CNST: variants seen among roughly 807,000 people sequenced by gnomAD.
CNST encodes consortin, connexin sorting protein.
A neutral mutation model predicts 72.4 loss-of-function variants in CNST; 39 were observed. That is an observed-to-expected ratio of 0.54 (90% CI 0.42 to 0.70). The LOEUF is 0.70. Among genes scored for constraint, CNST ranks in the 30% least tolerant of loss-of-function variants. The probability of loss-of-function intolerance (pLI) is 0.00; values close to 1 mark genes in which losing one functional copy is unlikely to be tolerated. For synonymous variants in CNST, 332 were observed against 320.1 expected (o/e 1.04, Z -0.40); for missense variants, 871 against 868.5 (o/e 1.00, Z -0.04).
In CNST at chr1:246,661,434, G is replaced by A. The variant is rs376682637; in HGVS notation, c.1972+1100G>A. On this transcript the variant is annotated intron_variant, in intron 10 of 10. Coordinates refer to ENST00000366513, the MANE Select transcript of CNST (RefSeq NM_152609.3). The stretch of plus-strand genomic sequence containing the variant: ...TGCCCGGCTTGTCTTCTTTTCAGTG[G>A]ACAATTAATACTCCTCCTTTATTGT... Among the ~76,000 whole-genome samples the A allele has an allele frequency of 3.9e-5, 6 of 152,272 alleles. No individual in the cohort carries two copies. In the East Asian group the frequency reaches 1.2e-3, roughly 29 times the overall value.
Position 246,647,907 on chromosome 1 carries a change from A to G in CNST, c.1706A>G (p.Gln569Arg). The change falls in exon 9 of 11, where the codon CAA (glutamine) becomes CGA (arginine). Residue 569 changes from glutamine (Q) to arginine (R), a missense_variant. Gln to Arg is a conservative substitution (Grantham distance 43, BLOSUM62 1). Coordinates refer to ENST00000366513, the MANE Select transcript of CNST (RefSeq NM_152609.3). The stretch of plus-strand genomic sequence containing the variant: ...GATTCCCTTTCCTATGAAGATAACC[A>G]AGACGACGACTCCGATCTCCTTCAA... ...TEDSLSYEDN[Q>R]DDDSDLLQDL... 1 of 1,613,932 alleles carries G rather than the reference A, an allele frequency of 6.2e-7. No homozygotes were observed. Among genetic ancestry groups the G allele is most frequent in the Non-Finnish European group, 8.5e-7 (1 of 1,180,004 alleles).
intron 9 of CNST, among the ~76,000 whole-genome samples, chr1:246,654,253 C>T (rs114554979): frequency 0.018 from 2,720 of 152,300 alleles, 89 homozygotes; most frequent in African/African-American, 0.063. Context: ...CATGTCGTCA[C>T]GTTTGCTCTT....
chr1:246,626,791 A>C (rs976803147), intron 3 of CNST, among the ~76,000 whole-genome samples: 1 of 151,952 alleles, frequency 6.6e-6, no homozygotes, highest in South Asian at 2.1e-4. Flanking sequence ...AGACTTAACT[A>C]TCCAGCAACT....
intron 9 of CNST, among the ~76,000 whole-genome samples, chr1:246,651,553 A>G (rs537195266): frequency 1.4e-4 from 21 of 152,336 alleles, no homozygotes; most frequent in South Asian, 6.2e-4. Flanking sequence ...TGCTTTGAAC[A>G]GTTGGATTCA....
chr1:246,605,366 A>C (rs1418423634), intron 2 of CNST, among the ~76,000 whole-genome samples: 1 of 152,210 alleles, frequency 6.6e-6, no homozygotes, highest in Non-Finnish European at 1.5e-5. Flanking sequence ...GCTTGAGTCC[A>C]TGAGTTAAAG....
Position 246,660,138 on chromosome 1 carries a change from G to A in CNST, c.1837-61G>A. 4 of 1,398,576 alleles carry A rather than the reference G, an allele frequency of 2.9e-6. No individual in the cohort carries two copies. In the South Asian group the frequency reaches 4.5e-5, roughly 16 times the overall value. The allele number at this position is 1,398,576 out of a possible 1,614,324, so 86.6% of individuals were successfully genotyped here. A position where few individuals can be genotyped will look rare whatever the true frequency, so the allele number is the denominator to read the frequency against. ...TATCTGTTGAATGAGCCTTTTTATA[G>A]CTACATGTAGAGATGTCCCGCCTTA... On this transcript the variant is annotated intron_variant, in intron 9 of 10. Transcript: ENST00000366513.
intron 2 of CNST, among the ~76,000 whole-genome samples, chr1:246,596,838 A>C (rs1015563196): frequency 2.0e-5 from 3 of 151,948 alleles, no homozygotes; most frequent in African/African-American, 7.2e-5. Context: ...AAGGTCTTTG[A>C]CTGGCTTCTT....
intron 3 of CNST, among the ~76,000 whole-genome samples, chr1:246,629,463 T>C (rs987671128): frequency 4.1e-4 from 62 of 152,200 alleles, no homozygotes; most frequent in African/African-American, 1.4e-3. Flanking sequence ...GTATTAGAAC[T>C]GCTACAGAAG....
chr1:246,628,242 A>G (rs949551095), intron 3 of CNST, among the ~76,000 whole-genome samples: 2 of 152,154 alleles, frequency 1.3e-5, no homozygotes, highest in African/African-American at 4.8e-5. Context: ...CAACACCCTC[A>G]CAGACACACC....
intron 6 of CNST, among the ~76,000 whole-genome samples, chr1:246,635,334 T>TTTA (rs892164868): frequency 6.6e-6 from 1 of 151,778 alleles, no homozygotes; most frequent in Non-Finnish European, 1.5e-5. Flanking sequence ...TTTAATGGCT[T>TTTA]TTATTATCAG....
At chr1:246,595,645 G>T (rs942108750) in intron 2 of CNST, among the ~76,000 whole-genome samples, 3 of 151,864 alleles carry the variant, frequency 2.0e-5, no homozygotes, top group Non-Finnish European at 4.4e-5. Context: ...TCTCAAATGT[G>T]AAATGACATA....
chr1:246,652,812 G>A (rs963381145), intron 9 of CNST, among the ~76,000 whole-genome samples: 3 of 150,850 alleles, frequency 2.0e-5, no homozygotes, highest in Non-Finnish European at 4.4e-5. Context: ...AGACCATCCT[G>A]GCTAACACGG....
intron 3 of CNST, among the ~76,000 whole-genome samples, chr1:246,631,516 A>G (rs1558572662): frequency 6.6e-6 from 1 of 152,204 alleles, no homozygotes; most frequent in Non-Finnish European, 1.5e-5. Flanking sequence ...TGAAAGGAAT[A>G]TTTCTACTTT....
rs1664960083 is a variant in CNST at position 246,633,933 on chromosome 1, C to T, written c.626C>T (p.Ala209Val). 1.9e-6 allele frequency: 3 copies of T among 1,604,986 alleles called. No homozygotes were observed. The highest frequency in any genetic ancestry group is 3.3e-5 in the Admixed American group (2 of 59,928). The change falls in exon 5 of 11, where the codon GCA (alanine) becomes GTA (valine). Residue 209 changes from alanine (A) to valine (V), a missense_variant. Transcript: ENST00000366513. ...TAAATGTTCTATTCAGATGAGAAAG[C>T]AATGAAATTCATTCAGCTAGAACGA... ...SYFQEEDYEK[A>V]MKFIQLERLY...
intron 6 of CNST, among the ~76,000 whole-genome samples, chr1:246,635,982 G>A (rs920858386): frequency 1.8e-4 from 28 of 152,338 alleles, no homozygotes; most frequent in Admixed American, 1.4e-3. Context: ...TAAGGTAGCC[G>A]TGAGTAAGCC....
intron 9 of CNST, among the ~76,000 whole-genome samples, chr1:246,651,074 G>T (rs3124086): frequency 6.6e-6 from 1 of 152,090 alleles, no homozygotes; most frequent in East Asian, 1.9e-4. Flanking sequence ...AGATGATGTT[G>T]TTGGCCTTTT....
chr1:246,632,080 A>G (rs1370992534), intron 4 of CNST, among the ~76,000 whole-genome samples, 156 bp downstream of exon 4: 2 of 152,230 alleles, frequency 1.3e-5, no homozygotes, highest in Non-Finnish European at 2.9e-5. Context: ...CACCTCAGAA[A>G]GCAAAATGTA....
chr1:246,585,368 G>A (rs1661066179), intron 1 of CNST, among the ~76,000 whole-genome samples: 1 of 152,038 alleles, frequency 6.6e-6, no homozygotes. Flanking sequence ...AAATGACAGA[G>A]CCAGGTGCTG....
chr1:246,605,666 G>A (rs534446453), intron 2 of CNST, among the ~76,000 whole-genome samples: 1 of 150,766 alleles, frequency 6.6e-6, no homozygotes, highest in East Asian at 1.9e-4. Flanking sequence ...TCCGGCCGGG[G>A]TGCGTGTCTT....
Sources: gnomAD v4.1 joint callset for allele counts (sites outside exome capture counted in the v4.1 genomes callset) on GRCh38, gnomAD v4.1.1 for gene constraint, MANE v1.5 for transcripts, NCBI Gene and HGNC (gene_info 2026-07-23, HGNC 2026-07-21) for gene names.